PLPP1: variants seen among roughly 807,000 people sequenced by gnomAD.
PLPP1 encodes the protein phospholipid phosphatase 1.
Under a neutral mutation model 31.2 loss-of-function variants are expected in PLPP1, and 24 were observed. That is an observed-to-expected ratio of 0.77 (90% CI 0.56 to 1.08). PLPP1 has a LOEUF of 1.08. Ranked by LOEUF, PLPP1 falls within the 50% of genes least tolerant of loss-of-function variation. The probability of loss-of-function intolerance (pLI) is 0.00; values close to 1 mark genes in which losing one functional copy is unlikely to be tolerated. For missense variants in PLPP1, 319 were observed against 342.7 expected (o/e 0.93, Z 0.55); for synonymous variants, 146 against 126.3 (o/e 1.16, Z -1.05).
chr5:55,495,968 C>T (rs1190868216), intron 1 of PLPP1, among the ~76,000 whole-genome samples: 1 of 152,110 alleles, frequency 6.6e-6, no homozygotes, highest in Non-Finnish European at 1.5e-5. Flanking sequence ...AGTGATTCTC[C>T]GACTTCAGCC....
intron 3 of PLPP1, among the ~76,000 whole-genome samples, chr5:55,442,559 GA>G (rs1421628259): frequency 9.2e-5 from 14 of 151,564 alleles, no homozygotes; most frequent in African/African-American, 3.4e-4. Flanking sequence ...GGCTGAGGCA[GA>G]AGAATTGCTT....
chr5:55,530,941 G>GGCA (rs1454192524), intron 1 of PLPP1, among the ~76,000 whole-genome samples: 1 of 152,086 alleles, frequency 6.6e-6, no homozygotes, highest in Non-Finnish European at 1.5e-5. Context: ...TGGTGACAGC[G>GGCA]GCAGCGGCCG....
chr5:55,446,021 T>C (rs1751757839), intron 3 of PLPP1, among the ~76,000 whole-genome samples: 1 of 152,176 alleles, frequency 6.6e-6, no homozygotes, highest in Admixed American at 6.5e-5. Context: ...CTGTAACTGC[T>C]TCCTCTCCTC....
In PLPP1 at chr5:55,491,877, G is replaced by A. The variant is rs1419615228; in HGVS notation, c.59-16427C>T. ...AATCTCAGGAAAAAAAAAAAAAAAA[G>A]AAAGAAAAGAAAGAAAAAGAGAGAG... is the stretch of plus-strand genomic sequence containing the variant. On this transcript the variant is annotated intron_variant, in intron 1 of 5. Transcript: ENST00000307259. 1.4e-3 allele frequency among the ~76,000 whole-genome samples: 134 copies of A among 93,706 alleles called. 1 individual carries two copies. The highest frequency in any genetic ancestry group is 2.2e-3 in the South Asian group (6 of 2,736). The allele number at this position is 93,706 out of a possible 152,430, so 61.5% of individuals were successfully genotyped here.
At chr5:55,440,217 A>G (rs1751591292) in intron 4 of PLPP1, among the ~76,000 whole-genome samples, 1 of 152,210 alleles carries the variant, frequency 6.6e-6, no homozygotes, top group Non-Finnish European at 1.5e-5. Context: ...AACAAACCAC[A>G]ATAGCTAGTG....
intron 1 of PLPP1, among the ~76,000 whole-genome samples, chr5:55,478,431 C>G (rs913929130): frequency 9.2e-5 from 14 of 151,956 alleles, no homozygotes; most frequent in African/African-American, 3.1e-4. Flanking sequence ...TCTGAATGTT[C>G]GAAAGAAAAG....
In PLPP1 at chr5:55,471,264, T is replaced by A. The variant is rs529678906; in HGVS notation, c.211-3115A>T. On this transcript the variant is annotated intron_variant, in intron 2 of 5. Transcript: ENST00000307259. ...TCGCCCAGGCTAGAGTGCAGCGGCG[T>A]GATCTCGGCTCACTGCAACCTCCGC... Among the ~76,000 whole-genome samples the A allele has an allele frequency of 2.6e-5, 4 of 151,190 alleles. No individual in the cohort carries two copies. The South Asian group carries it at 6.3e-4, about 24-fold the overall frequency.
intron 1 of PLPP1, among the ~76,000 whole-genome samples, chr5:55,532,764 C>T (rs1180124243): frequency 6.6e-6 from 1 of 152,072 alleles, no homozygotes; most frequent in African/African-American, 2.4e-5. Context: ...CAAGGCCAGC[C>T]TGGCCAAGAC....
intron 2 of PLPP1, among the ~76,000 whole-genome samples, chr5:55,468,817 A>G (rs1199294832): frequency 6.6e-6 from 1 of 152,110 alleles, no homozygotes; most frequent in Non-Finnish European, 1.5e-5. Context: ...AAATAAATAA[A>G]TACATACATA....
At chr5:55,483,668 T>TC (rs1554039894) in intron 1 of PLPP1, among the ~76,000 whole-genome samples, 4 of 32,146 alleles carry the variant, frequency 1.2e-4, no homozygotes, top group East Asian at 6.0e-4. Flanking sequence ...GGAGACTGTC[T>TC]CAAAAAAAAA....
In PLPP1 at chr5:55,441,870, T is replaced by G; in HGVS notation, c.530A>C (p.Tyr177Ser). 6.2e-7 allele frequency: 1 copy of G among 1,613,818 alleles called. No homozygotes were observed. Among genetic ancestry groups the G allele is most frequent in the Non-Finnish European group, 8.5e-7 (1 of 1,179,742 alleles). ...ACTTACTGCCACAAACAGCATGCAG[T>G]ACATGGAAAACGAAGAGTGGCCTGA... ...FYSGHSSFSM[Y>S]CMLFVALYLQ... Residue 177 changes from tyrosine (Y) to serine (S), a missense_variant, in exon 4 of 6, where the codon TAC becomes TCC. Coordinates refer to ENST00000307259, the MANE Select transcript of PLPP1 (RefSeq NM_003711.4).
intron 3 of PLPP1, among the ~76,000 whole-genome samples, chr5:55,466,463 G>T (rs569836965): frequency 6.6e-6 from 1 of 152,154 alleles, no homozygotes; most frequent in African/African-American, 2.4e-5. Flanking sequence ...AGCACTCTGG[G>T]AACCTGAGGC....
intron 1 of PLPP1, among the ~76,000 whole-genome samples, chr5:55,485,361 G>A (rs537135407): frequency 2.2e-5 from 3 of 134,942 alleles, no homozygotes; most frequent in South Asian, 2.4e-4. Flanking sequence ...TCAGGTTAAC[G>A]GACAACCAAT....
intron 1 of PLPP1, chr5:55,484,935 T>C (rs2111835691): frequency 6.6e-6 from 1 of 152,300 alleles, no homozygotes; most frequent in Non-Finnish European, 1.5e-5. Flanking sequence ...GGTGAACATA[T>C]CAATGTGCCA....
chr5:55,480,240 T>G (rs1752641602), intron 1 of PLPP1, among the ~76,000 whole-genome samples: 1 of 152,116 alleles, frequency 6.6e-6, no homozygotes, highest in Non-Finnish European at 1.5e-5. Context: ...AAACACTGTT[T>G]CTTATTACTT....
At chr5:55,473,722 A>G (rs1269249817) in intron 2 of PLPP1, among the ~76,000 whole-genome samples, 2 of 152,060 alleles carry the variant, frequency 1.3e-5, no homozygotes, top group Non-Finnish European at 1.5e-5. Flanking sequence ...CCGTGGTGCA[A>G]TCATGGCTCA....
chr5:55,512,913 A>G (rs958751650), intron 1 of PLPP1, among the ~76,000 whole-genome samples: 1 of 152,250 alleles, frequency 6.6e-6, no homozygotes, highest in African/African-American at 2.4e-5. Context: ...AAATTTCAGA[A>G]GACAAGGCAG....
rs528925767 is a variant in PLPP1 at position 55,451,566 on chromosome 5, T to C, written c.492-9658A>G. On this transcript the variant is annotated intron_variant, in intron 3 of 5. Coordinates refer to ENST00000307259, the MANE Select transcript of PLPP1 (RefSeq NM_003711.4). ...TTCACTTAGAGAAACCTTTTTTTTT[T>C]TTTTTCTTTTTTTGAGACAGAGTCT... Among the ~76,000 whole-genome samples, 3 of 151,930 alleles carry C rather than the reference T, an allele frequency of 2.0e-5. No homozygotes were observed. In the East Asian group the frequency reaches 5.8e-4, roughly 29 times the overall value.
Position 55,425,964 on chromosome 5 carries a change from C to A in PLPP1, c.625G>T (p.Val209Leu). 2 of 1,613,690 alleles carry A rather than the reference C, an allele frequency of 1.2e-6. No homozygotes were observed. The highest frequency in any genetic ancestry group is 1.7e-6 in the Non-Finnish European group (2 of 1,179,774). The change falls in exon 5 of 6, where the codon GTA (valine) becomes TTA (leucine). Residue 209 changes from valine (V) to leucine (L), a missense_variant. Transcript: ENST00000307259. The part of the protein sequence containing the change: ...RPTLQFGLVA[V>L]SIYVGLSRVS... The stretch of plus-strand genomic sequence containing the variant: ...CGAGAAAGGCCCACATAAATGGATA[C>A]GGCAACAAGACCAAATTGCAGTGTG...
Sources: gnomAD v4.1 joint callset for allele counts (sites outside exome capture counted in the v4.1 genomes callset) on GRCh38, gnomAD v4.1.1 for gene constraint, MANE v1.5 for transcripts, NCBI Gene and HGNC (gene_info 2026-07-23, HGNC 2026-07-21) for gene names.